Variants in GCC2 observed in about 807,000 individuals in gnomAD.
GCC2 encodes GRIP and coiled-coil domain-containing protein 2.
In GCC2, 120 loss-of-function variants were observed where a neutral mutation model predicts 210.6. The ratio of observed to expected loss-of-function variants is 0.57; its 90% CI spans 0.49 to 0.66. The LOEUF (loss-of-function observed/expected upper bound fraction) is 0.66, where lower values mean the gene tolerates loss of function less well. Among genes scored for constraint, GCC2 ranks in the 30% least tolerant of loss-of-function variants. GCC2 has a pLI of 0.00. For synonymous variants in GCC2, 703 were observed against 652.7 expected, an observed-to-expected ratio of 1.08 and a Z score of -1.17; for missense variants, 1,868 against 1,871.9, an observed-to-expected ratio of 1.00 and a Z score of 0.04.
At position 108,461,830 on chromosome 2, in the gene GCC2, C is replaced by CTTTTTTTTTTTTTTTT. The variant is rs1313525353; in HGVS notation, c.217-7145_217-7144insTTTTTTTTTTTTTTTT. Among the ~76,000 whole-genome samples, 48 of 124,052 alleles carry CTTTTTTTTTTTTTTTT rather than the reference C, an allele frequency of 3.9e-4. 1 individual carries two copies. The highest frequency in any genetic ancestry group is 1.3e-3 in the South Asian group (5 of 3,846). 81.4% of individuals were successfully genotyped at this position (124,052 alleles called of 152,430 possible). ...CTAAATAGGTTTTCTTTTTTTTTTT[C>CTTTTTTTTTTTTTTTT]TTTTTCTTTTTTTTTTTTTTTGAGA... On this transcript the variant is annotated intron_variant, in intron 4 of 22. Coordinates refer to ENST00000309863, the MANE Select transcript of GCC2 (RefSeq NM_181453.4).
chr2:108,449,397 G>C (rs904761929), intron 1 of GCC2, 117 bp downstream of exon 1: 54 of 1,455,636 alleles, frequency 3.7e-5, no homozygotes, highest in Middle Eastern at 1.9e-4. Context: ...CGAAGCCCGC[G>C]CTGCTGTCGC....
rs1306778516 is a variant in GCC2 at position 108,449,255 on chromosome 2, C to T, written c.-20C>T. On this transcript the variant is annotated 5_prime_UTR_variant, in exon 1 of 23. Transcript: ENST00000309863. ...AGCGGTGGCGGCGGCTGGTTGCGGGCCGGCGGCGGGCTGGCGGAGATGGAG... is the reference window on the plus strand; with the variant it reads ...AGCGGTGGCGGCGGCTGGTTGCGGGTCGGCGGCGGGCTGGCGGAGATGGAG... The T allele has an allele frequency of 9.0e-6, 14 of 1,548,658 alleles. No homozygotes were observed. The highest frequency in any genetic ancestry group is 1.1e-5 in the Non-Finnish European group (13 of 1,145,012).
At chr2:108,457,622 T>A (rs1680340501) in intron 4 of GCC2, among the ~76,000 whole-genome samples, 1 of 152,236 alleles carries the variant, frequency 6.6e-6, no homozygotes. Context: ...AATGTCTTCC[T>A]GCTTATTTGT....
At chr2:108,451,551 G>A (rs1228529407) in intron 3 of GCC2, among the ~76,000 whole-genome samples, 1 of 152,008 alleles carries the variant, frequency 6.6e-6, no homozygotes, top group Non-Finnish European at 1.5e-5. Context: ...TGCTGAAGTT[G>A]ATTGATTCCC....
At chr2:108,481,907 G>A (rs1295013194) in intron 10 of GCC2, 91 bp downstream of exon 10, 11 of 961,048 alleles carry the variant, frequency 1.1e-5, no homozygotes, top group African/African-American at 3.4e-5. Context: ...AAATATAGTC[G>A]GAAACAGAAT....
At chr2:108,497,356 T>G (rs1421561035) in intron 21 of GCC2, among the ~76,000 whole-genome samples, 1 of 152,204 alleles carries the variant, frequency 6.6e-6, no homozygotes, top group Non-Finnish European at 1.5e-5. Flanking sequence ...GACCTCGTGA[T>G]CCGCCTGCCT....
chr2:108,470,247 C>T lies in GCC2; in HGVS notation c.918C>T (p.Thr306=). The change falls in exon 6 of 23, where the codon ACC becomes ACT. Residue 306 remains threonine, a synonymous_variant. Coordinates refer to ENST00000309863, the MANE Select transcript of GCC2 (RefSeq NM_181453.4). The part of the protein sequence containing the change: ...ECELENLRKA[T]SNANQDNQIC... ...AGTTAGAAAATTTAAGGAAAGCCACCTCAAATGCAAACCAAGACAATCAGA... is the reference window on the plus strand; with the variant it reads ...AGTTAGAAAATTTAAGGAAAGCCACTTCAAATGCAAACCAAGACAATCAGA... 6.8e-6 allele frequency: 11 copies of T among 1,613,498 alleles called. No homozygotes were observed. Among genetic ancestry groups the T allele is most frequent in the Non-Finnish European group, 9.3e-6 (11 of 1,179,742 alleles).
intron 4 of GCC2, among the ~76,000 whole-genome samples, chr2:108,454,417 G>A (rs1014110284): frequency 6.6e-6 from 1 of 152,164 alleles, no homozygotes; most frequent in Non-Finnish European, 1.5e-5. Context: ...GTATCATTTT[G>A]TTCTTTATTT....
intron 22 of GCC2, among the ~76,000 whole-genome samples, chr2:108,501,838 A>G (rs1486962441): frequency 2.0e-5 from 3 of 152,318 alleles, no homozygotes; most frequent in Admixed American, 6.5e-5. Context: ...CTTCATAAGT[A>G]GTATTGATAG....
In GCC2 at chr2:108,487,818, A is replaced by C; in HGVS notation, c.4050A>C (p.Glu1350Asp). 6.2e-7 allele frequency: 1 copy of C among 1,613,228 alleles called. No homozygotes were observed. The highest frequency in any genetic ancestry group is 8.5e-7 in the Non-Finnish European group (1 of 1,179,526). ...CTGAAACTGAGGGCGCTAAACAAGA[A>C]AGGTAAAGTCTGAATTAAATATGCA... ...SQAETEGAKQ[E>D]REHLEMLIDQ... is the part of the protein sequence containing the mutation. The change falls in exon 17 of 23, where the codon GAA becomes GAC. Residue 1350 changes from glutamate (E) to aspartate (D), a missense_variant and splice_region_variant. Glu to Asp is a conservative substitution (Grantham distance 45). Transcript: ENST00000309863.
intron 7 of GCC2, chr2:108,474,647 G>A (rs1188103791): frequency 6.6e-6 from 1 of 152,166 alleles, no homozygotes; most frequent in Non-Finnish European, 1.5e-5. Context: ...GGGCAGTGTG[G>A]TTTAATTTTT....
Position 108,470,669 on chromosome 2 carries a change from A to G in GCC2, c.1340A>G (p.Asp447Gly). The G allele has an allele frequency of 6.2e-7, 1 of 1,611,572 alleles. No individual in the cohort carries two copies. Among genetic ancestry groups the G allele is most frequent in the Non-Finnish European group, 8.5e-7 (1 of 1,178,778 alleles). Residue 447 changes from aspartate (D) to glycine (G), a missense_variant, in exon 6 of 23, where the codon GAT becomes GGT. Physicochemically the swap from Asp to Gly is moderately conservative, Grantham distance 94. Around this residue, in one of 3 missense-constraint regions of GCC2, gnomAD observed 1,847 missense variants for 1,765.2 expected, o/e 1.05. Transcript: ENST00000309863. ...GAACTAAATGAGACATTTTTGTCAGATTCAGAAAAAGAAAAATTAACATTA... is the reference window on the plus strand; with the variant it reads ...GAACTAAATGAGACATTTTTGTCAGGTTCAGAAAAAGAAAAATTAACATTA... ...ISELNETFLS[D>G]SEKEKLTLMF...
intron 9 of GCC2, among the ~76,000 whole-genome samples, chr2:108,476,064 T>C (rs1681504792): frequency 3.2e-5 from 3 of 93,600 alleles, no homozygotes; most frequent in Admixed American, 9.1e-5. Flanking sequence ...CTTTTTTTTT[T>C]TTTTTTTTTT....
chr2:108,473,510 G>A (rs936869878), intron 7 of GCC2, among the ~76,000 whole-genome samples: 1 of 152,150 alleles, frequency 6.6e-6, no homozygotes, highest in Non-Finnish European at 1.5e-5. Flanking sequence ...TAGTATGATT[G>A]ATATGCAGAG....
intron 3 of GCC2, 80 bp downstream of exon 3, chr2:108,451,192 G>T: frequency 1.2e-6 from 1 of 817,612 alleles, no homozygotes; most frequent in Non-Finnish European, 2.0e-6. Context: ...ATAATGCATT[G>T]GCTTGTTTTT....
At chr2:108,502,178 TCA>T (rs1247465888) in intron 22 of GCC2, among the ~76,000 whole-genome samples, 1 of 152,214 alleles carries the variant, frequency 6.6e-6, no homozygotes, top group Non-Finnish European at 1.5e-5. Flanking sequence ...AGTTATAAAA[TCA>T]ACCAGGACTT....
At chr2:108,451,896 T>A (rs994933659) in intron 3 of GCC2, among the ~76,000 whole-genome samples, 1 of 146,920 alleles carries the variant, frequency 6.8e-6, no homozygotes, top group South Asian at 2.1e-4. Context: ...CAGGCTGGAG[T>A]GCAGTGGCGC....
Position 108,469,790 on chromosome 2 carries a change from A to C in GCC2, c.461A>C (p.Lys154Thr). 1.2e-6 allele frequency: 2 copies of C among 1,613,940 alleles called. No homozygotes were observed. Among genetic ancestry groups the C allele is most frequent in the Non-Finnish European group, 1.7e-6 (2 of 1,179,866 alleles). Reference sequence around the variant, plus strand: ...AGTGAAGACAAAGCTAACTTACAAAAGCAGCTGGAAGAAGCAATGAATACG... The same window carrying C: ...AGTGAAGACAAAGCTAACTTACAAACGCAGCTGGAAGAAGCAATGAATACG... Reference protein sequence around the residue: ...KYSEDKANLQKQLEEAMNTQL... With the variant: ...KYSEDKANLQTQLEEAMNTQL... The change falls in exon 6 of 23, where the codon AAG becomes ACG. Residue 154 changes from lysine to threonine, a missense_variant. Transcript: ENST00000309863.
intron 22 of GCC2, among the ~76,000 whole-genome samples, chr2:108,503,462 A>C (rs2581013): frequency 7.9e-5 from 12 of 152,366 alleles, no homozygotes; most frequent in African/African-American, 2.2e-4. Flanking sequence ...TCTAAGATGC[A>C]AGAAAGAAAG....
Sources: allele counts gnomAD v4.1 joint callset (sites outside exome capture counted in the v4.1 genomes callset), GRCh38; gene constraint gnomAD v4.1.1; regional missense constraint gnomAD v4.1.1; transcripts MANE v1.5; gene names NCBI Gene and HGNC (gene_info 2026-07-23, HGNC 2026-07-21).